EVI5: variants seen among roughly 807,000 people sequenced by gnomAD.
The protein encoded by EVI5 is ecotropic viral integration site 5 protein homolog.
In EVI5, 73 loss-of-function variants were observed where a neutral mutation model predicts 112.0. The observed-to-expected ratio is 0.65, with a 90% CI of 0.54 to 0.79. The LOEUF is 0.79. Among genes scored for constraint, EVI5 ranks in the 30% least tolerant of loss-of-function variants. The pLI, the probability that EVI5 is intolerant of heterozygous loss-of-function variation, is 0.00. For synonymous variants in EVI5, 305 were observed against 319.9 expected (o/e 0.95, Z 0.50); for missense variants, 900 against 968.8 (o/e 0.93, Z 0.94).
chr1:92,630,898 T>C (rs1656902842), intron 14 of EVI5, among the ~76,000 whole-genome samples: 1 of 151,920 alleles, frequency 6.6e-6, no homozygotes, highest in Non-Finnish European at 1.5e-5. Context: ...GCTAGCCAGT[T>C]TTCCCAGCAC....
At chr1:92,580,249 C>T (rs1671728746) in intron 18 of EVI5, among the ~76,000 whole-genome samples, 1 of 152,090 alleles carries the variant, frequency 6.6e-6, no homozygotes, top group Non-Finnish European at 1.5e-5. Flanking sequence ...CAAATTCCAC[C>T]CAGCAAGGAC....
chr1:92,625,738 T>C (rs1655523360), intron 15 of EVI5, 56 bp downstream of exon 15: 4 of 1,512,160 alleles, frequency 2.6e-6, no homozygotes, highest in African/African-American at 1.4e-5. Context: ...CTCTTACAAA[T>C]TGGATATTTC....
chr1:92,714,635 G>C lies in EVI5; in HGVS notation c.150-9891C>G, dbSNP rs1223421996. Among the ~76,000 whole-genome samples, 2 of 152,134 alleles carry C rather than the reference G, an allele frequency of 1.3e-5. 1 individual carries two copies. ...GAGAGGGTCTTGCTCTGTCTCTCAG[G>C]CTGGAGTATAGTAATGTGATCAGAG... On this transcript the variant is annotated intron_variant, in intron 2 of 19. Transcript: ENST00000684568.
At chr1:92,644,299 T>C (rs749384099) in intron 13 of EVI5, among the ~76,000 whole-genome samples, 1 of 152,116 alleles carries the variant, frequency 6.6e-6, no homozygotes, top group African/African-American at 2.4e-5. Flanking sequence ...TGACAAGAAA[T>C]ACAATGACAC....
intron 2 of EVI5, chr1:92,732,353 A>G: frequency 2.8e-6 from 1 of 351,434 alleles, no homozygotes; most frequent in Non-Finnish European, 5.5e-6. Flanking sequence ...TGTTAAAGAC[A>G]TTGATTCCAA....
chr1:92,717,842 G>A (rs1270029859), intron 2 of EVI5, among the ~76,000 whole-genome samples: 1 of 151,964 alleles, frequency 6.6e-6, no homozygotes, highest in Non-Finnish European at 1.5e-5. Flanking sequence ...ATAAAGGGAT[G>A]GAGGAAGATC....
chr1:92,554,246 T>C (rs1395974764), intron 19 of EVI5, among the ~76,000 whole-genome samples: 1 of 152,236 alleles, frequency 6.6e-6, no homozygotes, highest in African/African-American at 2.4e-5. Context: ...AGAGAAGCAA[T>C]TCAATTTAAT....
intron 13 of EVI5, among the ~76,000 whole-genome samples, chr1:92,651,123 C>T (rs992815315): frequency 3.0e-4 from 45 of 152,172 alleles, no homozygotes; most frequent in East Asian, 9.6e-4. Context: ...CAGCAGTCTT[C>T]GTTTTTCTTG....
rs71091290 is a variant in EVI5, at chr1:92,583,510, C to CAA, written c.2071-19775_2071-19774dup. Among the ~76,000 whole-genome samples, 34 of 55,374 alleles carry CAA rather than the reference C, an allele frequency of 6.1e-4. 1 individual carries two copies. The highest frequency in any genetic ancestry group is 1.9e-3 in the African/African-American group (24 of 12,730). 36.3% of individuals were successfully genotyped at this position (55,374 alleles called of 152,430 possible). On this transcript the variant is annotated intron_variant, in intron 18 of 19. Transcript: ENST00000684568. ...TGGGCGACAGAGTGAGGCTCTGTCTCAAAAAAAAAAAAAAAAAAAAAAAAA... is the reference window on the plus strand; with the variant it reads ...TGGGCGACAGAGTGAGGCTCTGTCTCAAAAAAAAAAAAAAAAAAAAAAAAAAA...
At chr1:92,769,152 G>A (rs1410689863) in intron 1 of EVI5, among the ~76,000 whole-genome samples, 1 of 152,088 alleles carries the variant, frequency 6.6e-6, no homozygotes. Flanking sequence ...TGCAACATAT[G>A]CCCCAGTACC....
At chr1:92,636,709 C>T (rs1012486359) in intron 13 of EVI5, among the ~76,000 whole-genome samples, 4 of 152,128 alleles carry the variant, frequency 2.6e-5, no homozygotes, top group Non-Finnish European at 4.4e-5. Context: ...CATGTGGCTA[C>T]TGAACACTTG....
intron 18 of EVI5, among the ~76,000 whole-genome samples, chr1:92,587,479 T>C (rs897029541): frequency 5.3e-5 from 8 of 152,018 alleles, no homozygotes; most frequent in East Asian, 3.9e-4. Flanking sequence ...TTCCATCATT[T>C]AGTAATGTCA....
rs551641407 is a variant in EVI5, at chr1:92,685,688, T to C, written c.1097+8114A>G. 1.4e-4 allele frequency among the ~76,000 whole-genome samples: 21 copies of C among 151,928 alleles called. No individual in the cohort carries two copies. The South Asian group carries it at 2.3e-3, about 17-fold the overall frequency. On this transcript the variant is annotated intron_variant, in intron 9 of 19. Transcript: ENST00000684568. ...AAGAAGGAAAGAGGGAAGAATCAAA[T>C]AGATGCAATAAAAAATGATAAAGGG...
intron 7 of EVI5, 138 bp downstream of exon 7, chr1:92,695,172 G>A (rs1670107949): frequency 1.6e-6 from 1 of 643,698 alleles, no homozygotes; most frequent in South Asian, 2.3e-5. Flanking sequence ...TTATTATAAG[G>A]TTTAAATGAG....
chr1:92,625,639 T>C (rs1385146835), intron 15 of EVI5, 155 bp downstream of exon 15: 2 of 575,558 alleles, frequency 3.5e-6, no homozygotes, highest in Non-Finnish European at 6.2e-6. Context: ...TTAAGTGCAC[T>C]TTCAGTTTAT....
At chr1:92,699,827 G>A (rs571497284) in intron 5 of EVI5, among the ~76,000 whole-genome samples, 1 of 152,210 alleles carries the variant, frequency 6.6e-6, no homozygotes, top group East Asian at 1.9e-4. Flanking sequence ...GTCCACCGTT[G>A]ACCAAAATGT....
At chr1:92,598,634 T>C (rs746685028) in intron 18 of EVI5, among the ~76,000 whole-genome samples, 4 of 152,176 alleles carry the variant, frequency 2.6e-5, no homozygotes, top group Non-Finnish European at 5.9e-5. Context: ...TTATATGTGA[T>C]AGAACCTTAG....
intron 1 of EVI5, among the ~76,000 whole-genome samples, chr1:92,737,252 G>T (rs1677599894): frequency 6.6e-6 from 1 of 152,192 alleles, no homozygotes; most frequent in African/African-American, 2.4e-5. Flanking sequence ...TTAATAGAAT[G>T]AGAGGGGTTC....
intron 19 of EVI5, among the ~76,000 whole-genome samples, chr1:92,553,301 T>TC (rs1446942106): frequency 5.1e-5 from 7 of 137,398 alleles, no homozygotes; most frequent in African/African-American, 2.0e-4. Context: ...TGGCCAATTT[T>TC]TTTTTTTTTT....
Sources: allele counts gnomAD v4.1 joint callset (sites outside exome capture counted in the v4.1 genomes callset), GRCh38; gene constraint gnomAD v4.1.1; transcripts MANE v1.5; gene names NCBI Gene and HGNC (gene_info 2026-07-23, HGNC 2026-07-21).